The following FRMD6 variants were observed in gnomAD, a reference collection of about 807,000 sequenced individuals.
FRMD6 encodes the protein FERM domain-containing protein 6.
FRMD6 carries 37 observed loss-of-function variants against 73.2 expected under a neutral mutation model. The ratio of observed to expected loss-of-function variants is 0.51; its 90% confidence interval spans 0.39 to 0.66. The LOEUF (loss-of-function observed/expected upper bound fraction) is 0.66. FRMD6 is among the 30% of genes least tolerant of loss of function. The pLI, the probability that FRMD6 is intolerant of heterozygous loss-of-function variation, is 0.00. For synonymous variants in FRMD6, 273 were observed against 282.2 expected, an observed-to-expected ratio of 0.97 and a Z score of 0.33; for missense variants, 714 against 780.5, an observed-to-expected ratio of 0.91 and a Z score of 1.02.
At chr14:51,505,252 T>G (rs933666709) in intron 1 of FRMD6, among the ~76,000 whole-genome samples, 4 of 152,220 alleles carry the variant, frequency 2.6e-5, no homozygotes, top group Admixed American at 2.0e-4. Flanking sequence ...TAAACTTTTT[T>G]TAGAGACAGG....
At chr14:51,411,574 G>A in the FRMD6 span, among the ~76,000 whole-genome samples, 2 of 152,122 alleles carry the variant, frequency 1.3e-5, no homozygotes, top group Non-Finnish European at 2.9e-5. Flanking sequence ...TGTTATATTC[G>A]ATTTCCCTAA....
chr14:51,512,402 T>C (rs990032295), intron 1 of FRMD6, among the ~76,000 whole-genome samples: 11 of 152,174 alleles, frequency 7.2e-5, no homozygotes, highest in Non-Finnish European at 1.6e-4. Flanking sequence ...ATGAAGGGTG[T>C]AGATGCTAAG....
intron 1 of FRMD6, among the ~76,000 whole-genome samples, chr14:51,566,724 C>T (rs1163267446): frequency 6.6e-6 from 1 of 152,210 alleles, no homozygotes; most frequent in African/African-American, 2.4e-5. Flanking sequence ...ACCGCAATTA[C>T]TTTTGCACCA....
At chr14:51,671,988 A>G (rs1453541277) in intron 1 of FRMD6, among the ~76,000 whole-genome samples, 7 of 152,240 alleles carry the variant, frequency 4.6e-5, no homozygotes, top group Admixed American at 4.6e-4. Context: ...TGCCCAAATC[A>G]GCTACAGACA....
intron 1 of FRMD6, among the ~76,000 whole-genome samples, chr14:51,539,661 A>C (rs2139362200): frequency 6.6e-6 from 1 of 152,228 alleles, no homozygotes; most frequent in African/African-American, 2.4e-5. Context: ...GGGAGAGCAG[A>C]GGCATTGAGT....
chr14:51,576,343 C>T (rs1254103848), intron 2 of FRMD6: 1 of 152,120 alleles, frequency 6.6e-6, no homozygotes, highest in Non-Finnish European at 1.5e-5. Flanking sequence ...TCTGATGGGT[C>T]TCTTAGATCC....
chr14:51,632,217 C>T (rs1465548957), intron 2 of FRMD6, among the ~76,000 whole-genome samples: 1 of 152,142 alleles, frequency 6.6e-6, no homozygotes, highest in Non-Finnish European at 1.5e-5. Flanking sequence ...TGAGGCCTCC[C>T]CAGCCATGCT....
the FRMD6 span, among the ~76,000 whole-genome samples, chr14:51,472,969 T>A: frequency 4.3e-4 from 65 of 152,242 alleles, no homozygotes; most frequent in Admixed American, 7.2e-4. Context: ...GGTTACCCCT[T>A]GAACACTTAT....
chr14:51,631,401 T>C (rs575159179), intron 2 of FRMD6, among the ~76,000 whole-genome samples: 1 of 152,110 alleles, frequency 6.6e-6, no homozygotes, highest in African/African-American at 2.4e-5. Flanking sequence ...TCACACTCCA[T>C]TTTTTTTGGT....
At chr14:51,664,181 TCA>T (rs1459907426) in intron 1 of FRMD6, among the ~76,000 whole-genome samples, 4 of 152,190 alleles carry the variant, frequency 2.6e-5, no homozygotes, top group Non-Finnish European at 5.9e-5. Flanking sequence ...AAGCCATCAT[TCA>T]CAGAGTAGAT....
chr14:51,456,520 T>C, the FRMD6 span, among the ~76,000 whole-genome samples: 1 of 152,238 alleles, frequency 6.6e-6, no homozygotes, highest in African/African-American at 2.4e-5. Flanking sequence ...CCATGGTGTA[T>C]ATATGCCACA....
the FRMD6 span, among the ~76,000 whole-genome samples, chr14:51,472,781 T>TA: frequency 6.6e-6 from 1 of 152,210 alleles, no homozygotes; most frequent in South Asian, 2.1e-4. Context: ...CTGGTTCATG[T>TA]AAATCTTTGA....
the FRMD6 span, among the ~76,000 whole-genome samples, chr14:51,464,510 G>C: frequency 3.5e-3 from 526 of 152,290 alleles, 6 homozygotes; most frequent in African/African-American, 0.012. Flanking sequence ...ACTCGTGCAG[G>C]AGAACTCTCC....
rs142485991 is a variant in FRMD6, at chr14:51,726,713, C to G, written c.1584+843C>G. Among the ~76,000 whole-genome samples the G allele has an allele frequency of 3.4e-3, 515 of 152,328 alleles. 1 individual carries two copies. The highest frequency in any genetic ancestry group is 5.6e-3 in the Non-Finnish European group (380 of 68,028). ...TTCCACACCTACACTATGGGGAGAA[C>G]TTTGTGTGCCTTCCTTGAGAGTTTG... On this transcript the variant is annotated intron_variant, in intron 13 of 13. Coordinates refer to ENST00000344768, the MANE Select transcript of FRMD6 (RefSeq NM_001267046.2).
At chr14:51,696,790 A>ACT (rs1895970417) in intron 2 of FRMD6, among the ~76,000 whole-genome samples, 1 of 152,044 alleles carries the variant, frequency 6.6e-6, no homozygotes. Context: ...TGTCTTTAAA[A>ACT]AAAAGTCTAG....
At chr14:51,533,143 T>C (rs1885686166) in intron 1 of FRMD6, among the ~76,000 whole-genome samples, 1 of 152,144 alleles carries the variant, frequency 6.6e-6, no homozygotes, top group African/African-American at 2.4e-5. Context: ...TGTAGCCCAA[T>C]GACAAAGAGA....
intron 1 of FRMD6, among the ~76,000 whole-genome samples, chr14:51,658,175 A>C (rs1201127883): frequency 6.6e-6 from 1 of 152,204 alleles, no homozygotes; most frequent in Non-Finnish European, 1.5e-5. Context: ...TTTCTGATTA[A>C]TGCAAAGGTA....
At chr14:51,636,288 A>G (rs755027398) in intron 2 of FRMD6, among the ~76,000 whole-genome samples, 1 of 152,232 alleles carries the variant, frequency 6.6e-6, no homozygotes, top group Non-Finnish European at 1.5e-5. Context: ...AACAAATTAC[A>G]AAAGATAAAC....
At position 51,536,767 on chromosome 14, in the gene FRMD6, T is replaced by C. The variant is rs576716828; in HGVS notation, c.-209-33581T>C. The stretch of plus-strand genomic sequence containing the variant: ...TAGAAAACATCTTACTTTCTAGTTA[T>C]GATCATTCATAAACCAGCTGAGCAG... On this transcript the variant is annotated intron_variant, in intron 1 of 14. Coordinates refer to the FRMD6 transcript ENST00000356218. Among the ~76,000 whole-genome samples, 12 of 152,352 alleles carry C rather than the reference T, an allele frequency of 7.9e-5. No homozygotes were observed. The South Asian group carries it at 2.3e-3, about 29-fold the overall frequency.
Sources: allele counts gnomAD v4.1 joint callset (sites outside exome capture counted in the v4.1 genomes callset), GRCh38; gene constraint gnomAD v4.1.1; transcripts MANE v1.5; gene names NCBI Gene and HGNC (gene_info 2026-07-23, HGNC 2026-07-21).